The following CCSER1 variants were observed in gnomAD, a reference collection of about 807,000 sequenced individuals.
The protein encoded by CCSER1 is serine-rich coiled-coil domain-containing protein 1.
Under a neutral mutation model 82.0 loss-of-function variants are expected in CCSER1, and 41 were observed. The ratio of observed to expected loss-of-function variants is 0.50; its 90% CI spans 0.39 to 0.65. CCSER1 has a LOEUF of 0.65. Among genes scored for constraint, CCSER1 ranks in the 30% least tolerant of loss-of-function variants. CCSER1 has a pLI of 0.00. For missense variants in CCSER1, 1,119 were observed against 1,064.2 expected (o/e 1.05, Z -0.72); for synonymous variants, 414 against 383.9 (o/e 1.08, Z -0.92).
intron 5 of CCSER1, among the ~76,000 whole-genome samples, chr4:90,602,883 C>T (rs10034216): frequency 6.6e-6 from 1 of 152,172 alleles, no homozygotes; most frequent in Non-Finnish European, 1.5e-5. Context: ...TTTATTACCC[C>T]GATCAGGAAA....
At chr4:91,426,057 G>A (rs1021939621) in intron 10 of CCSER1, among the ~76,000 whole-genome samples, 1 of 151,968 alleles carries the variant, frequency 6.6e-6, no homozygotes, top group Middle Eastern at 3.2e-3. Context: ...CATCCCAATA[G>A]GCCCCGATGT....
intron 10 of CCSER1, among the ~76,000 whole-genome samples, chr4:91,099,726 T>A (rs906553426): frequency 1.3e-5 from 2 of 152,154 alleles, no homozygotes; most frequent in African/African-American, 4.8e-5. Flanking sequence ...GTTTGACAAT[T>A]GGTTGAGCTT....
intron 9 of CCSER1, among the ~76,000 whole-genome samples, chr4:91,052,358 G>A (rs1743080936): frequency 6.6e-6 from 1 of 151,874 alleles, no homozygotes; most frequent in African/African-American, 2.4e-5. Flanking sequence ...AAACTTATTA[G>A]GTTCATGATC....
At chr4:90,604,973 C>G (rs1264920426) in intron 5 of CCSER1, among the ~76,000 whole-genome samples, 2 of 151,330 alleles carry the variant, frequency 1.3e-5, no homozygotes, top group African/African-American at 4.9e-5. Flanking sequence ...GCAGGCTGCC[C>G]CAGCCAGCAG....
chr4:90,254,978 A>AACACAC (rs142987718), intron 1 of CCSER1, among the ~76,000 whole-genome samples: 1,658 of 143,008 alleles, frequency 0.012, 9 homozygotes, highest in Middle Eastern at 0.05. Flanking sequence ...CATATATATC[A>AACACAC]ACACACACAC....
At chr4:91,544,577 C>T (rs1304349470) in intron 10 of CCSER1, among the ~76,000 whole-genome samples, 1 of 152,190 alleles carries the variant, frequency 6.6e-6, no homozygotes, top group Non-Finnish European at 1.5e-5. Context: ...TGGAGGTCCA[C>T]TCCAGACCCT....
chr4:90,498,190 T>C (rs1769318612), intron 5 of CCSER1, among the ~76,000 whole-genome samples: 1 of 152,130 alleles, frequency 6.6e-6, no homozygotes, highest in African/African-American at 2.4e-5. Flanking sequence ...AAATGTAATG[T>C]GTAAATTAGG....
At chr4:91,298,264 C>T (rs1324517182) in intron 10 of CCSER1, among the ~76,000 whole-genome samples, 1 of 151,990 alleles carries the variant, frequency 6.6e-6, no homozygotes, top group Admixed American at 6.6e-5. Context: ...AATTGGAAAT[C>T]AGGACACCTG....
intron 8 of CCSER1, among the ~76,000 whole-genome samples, chr4:90,909,723 T>C (rs1202457662): frequency 1.3e-5 from 2 of 152,172 alleles, no homozygotes; most frequent in Non-Finnish European, 2.9e-5. Context: ...TTTACCTTAT[T>C]GGTAAGAGTA....
At chr4:91,042,736 A>G (rs1742078006) in intron 9 of CCSER1, among the ~76,000 whole-genome samples, 1 of 152,192 alleles carries the variant, frequency 6.6e-6, no homozygotes, top group Admixed American at 6.5e-5. Flanking sequence ...TTTATCACCA[A>G]TAGAAGAATG....
intron 9 of CCSER1, among the ~76,000 whole-genome samples, chr4:91,006,656 A>AT (rs760692180): frequency 5.9e-5 from 9 of 151,490 alleles, no homozygotes; most frequent in Middle Eastern, 3.4e-3. Flanking sequence ...TGTCCGGCTA[A>AT]TTTTTTTTGT....
intron 1 of CCSER1, among the ~76,000 whole-genome samples, chr4:90,169,549 T>C (rs1001053195): frequency 6.6e-6 from 1 of 152,108 alleles, no homozygotes; most frequent in Admixed American, 6.6e-5. Context: ...ATCCCTGTCT[T>C]GGACCATTTG....
At chr4:90,282,345 G>A (rs1225347803) in intron 1 of CCSER1, among the ~76,000 whole-genome samples, 2 of 151,450 alleles carry the variant, frequency 1.3e-5, no homozygotes, top group African/African-American at 2.4e-5. Context: ...ACTGTTTGGC[G>A]TATCCATATT....
At chr4:90,393,602 G>T (rs1354123431) in intron 3 of CCSER1, among the ~76,000 whole-genome samples, 1 of 151,916 alleles carries the variant, frequency 6.6e-6, no homozygotes, top group African/African-American at 2.4e-5. Flanking sequence ...GATATTTTAG[G>T]CCTGTTCTGA....
chr4:90,626,113 G>A (rs1274992516), intron 5 of CCSER1, among the ~76,000 whole-genome samples: 1 of 152,088 alleles, frequency 6.6e-6, no homozygotes, highest in East Asian at 1.9e-4. Context: ...ATGGACAGGA[G>A]CCCCGCAATT....
At chr4:91,235,305 G>A (rs1738918137) in intron 10 of CCSER1, among the ~76,000 whole-genome samples, 1 of 152,042 alleles carries the variant, frequency 6.6e-6, no homozygotes, top group African/African-American at 2.4e-5. Flanking sequence ...TTTTATGTAA[G>A]TTACTGGCAA....
chr4:91,011,281 G>T (rs1332284185), intron 9 of CCSER1, among the ~76,000 whole-genome samples: 1 of 134,036 alleles, frequency 7.5e-6, no homozygotes, highest in African/African-American at 2.5e-5. Context: ...CGTGGCAAGG[G>T]CTGTTGGGGT....
At chr4:90,491,317 T>C (rs1258125304) in intron 5 of CCSER1, among the ~76,000 whole-genome samples, 1 of 152,172 alleles carries the variant, frequency 6.6e-6, no homozygotes, top group Non-Finnish European at 1.5e-5. Context: ...TGGCTCTCTG[T>C]TGGTCTGCTA....
intron 10 of CCSER1, among the ~76,000 whole-genome samples, chr4:91,541,126 T>C (rs1412525344): frequency 6.6e-6 from 1 of 152,202 alleles, no homozygotes; most frequent in East Asian, 1.9e-4. Context: ...ACAGAACAAG[T>C]TGCGGCAAAG....
Sources: allele counts gnomAD v4.1 joint callset (sites outside exome capture counted in the v4.1 genomes callset), GRCh38; gene constraint gnomAD v4.1.1; transcripts MANE v1.5; gene names NCBI Gene and HGNC (gene_info 2026-07-23, HGNC 2026-07-21).